The following CCSER1 variants were observed in gnomAD, a reference collection of about 807,000 sequenced individuals.
CCSER1 encodes coiled-coil serine rich protein 1.
A neutral mutation model predicts 82.0 loss-of-function variants in CCSER1; 41 were observed. The observed-to-expected ratio is 0.50, with a 90% CI of 0.39 to 0.65. CCSER1 has a LOEUF of 0.65. CCSER1 is among the 30% of genes least tolerant of loss of function. The pLI is 0.00. For synonymous variants in CCSER1, 414 were observed against 383.9 expected (o/e 1.08, Z -0.92); for missense variants, 1,119 against 1,064.2 (o/e 1.05, Z -0.72).
intron 1 of CCSER1, among the ~76,000 whole-genome samples, chr4:90,300,190 A>G (rs1409703783): frequency 6.6e-6 from 1 of 152,196 alleles, no homozygotes; most frequent in African/African-American, 2.4e-5. Context: ...GACTTTGATT[A>G]CAAGAGGTCA....
chr4:90,563,766 A>T (rs1043132132), intron 5 of CCSER1, among the ~76,000 whole-genome samples: 3 of 152,178 alleles, frequency 2.0e-5, no homozygotes, highest in African/African-American at 7.2e-5. Flanking sequence ...ATATCTGTTC[A>T]ACATATTGGT....
chr4:90,930,744 C>T (rs1006463265), intron 9 of CCSER1, among the ~76,000 whole-genome samples: 1 of 151,644 alleles, frequency 6.6e-6, no homozygotes, highest in Non-Finnish European at 1.5e-5. Flanking sequence ...TCAATTGCAG[C>T]TAATTATTAT....
intron 6 of CCSER1, among the ~76,000 whole-genome samples, chr4:90,692,646 T>C (rs1463622216): frequency 1.3e-5 from 2 of 151,918 alleles, no homozygotes; most frequent in Non-Finnish European, 2.9e-5. Context: ...TGAACGACCA[T>C]TTTATTAACC....
intron 9 of CCSER1, among the ~76,000 whole-genome samples, chr4:90,994,127 A>G (rs1043767398): frequency 6.6e-6 from 1 of 152,020 alleles, no homozygotes; most frequent in African/African-American, 2.4e-5. Flanking sequence ...TGAACCCAGG[A>G]GTTCGAGGCT....
intron 10 of CCSER1, among the ~76,000 whole-genome samples, chr4:91,212,645 A>T (rs1434572226): frequency 6.6e-6 from 1 of 152,182 alleles, no homozygotes; most frequent in African/African-American, 2.4e-5. Flanking sequence ...CTGTGAGGGT[A>T]AAAGAAAAAG....
At chr4:90,465,320 CTTTT>C (rs1157811263) in intron 4 of CCSER1, among the ~76,000 whole-genome samples, 2 of 131,928 alleles carry the variant, frequency 1.5e-5, no homozygotes, top group African/African-American at 2.8e-5. Flanking sequence ...TTTCCGTGTT[CTTTT>C]TTTTTTTTTT....
rs143320423 is a variant in CCSER1, at chr4:90,202,754, G to A, written c.-42+74923G>A. On this transcript the variant is annotated intron_variant, in intron 1 of 10. Coordinates refer to ENST00000509176, the MANE Select transcript of CCSER1 (RefSeq NM_001145065.2). ...GTCTTTCTGATTACATGGCAAGTCCGTCACATTTAGGTGATGAGATTTATT... is the reference window on the plus strand; with the variant it reads ...GTCTTTCTGATTACATGGCAAGTCCATCACATTTAGGTGATGAGATTTATT... 1.4e-4 allele frequency among the ~76,000 whole-genome samples: 21 copies of A among 152,298 alleles called. No individual in the cohort carries two copies. In the East Asian group the frequency reaches 2.5e-3, roughly 18 times the overall value.
chr4:91,039,480 T>C (rs1741736936), intron 9 of CCSER1, among the ~76,000 whole-genome samples: 1 of 152,138 alleles, frequency 6.6e-6, no homozygotes, highest in South Asian at 2.1e-4. Flanking sequence ...ATCTTTCCAA[T>C]ATCAGTAAAT....
chr4:90,424,327 C>T (rs1757226264), intron 4 of CCSER1, among the ~76,000 whole-genome samples: 2 of 151,866 alleles, frequency 1.3e-5, no homozygotes, highest in African/African-American at 4.8e-5. Context: ...GCCTTCAGAT[C>T]TTGTCCATAT....
intron 5 of CCSER1, among the ~76,000 whole-genome samples, chr4:90,616,016 C>G (rs1167543729): frequency 6.6e-6 from 1 of 152,156 alleles, no homozygotes; most frequent in Non-Finnish European, 1.5e-5. Context: ...TAAGACCTCT[C>G]ACTAGCAAAA....
chr4:91,107,253 A>G (rs1233087083), intron 10 of CCSER1, among the ~76,000 whole-genome samples: 1 of 151,772 alleles, frequency 6.6e-6, no homozygotes, highest in Admixed American at 6.6e-5. Flanking sequence ...TCACCTGACA[A>G]TGCATTTCTT....
At chr4:90,766,295 A>G (rs1751205549) in intron 7 of CCSER1, among the ~76,000 whole-genome samples, 1 of 152,170 alleles carries the variant, frequency 6.6e-6, no homozygotes, top group South Asian at 2.1e-4. Flanking sequence ...ATAATTTCCC[A>G]AGTTCATATA....
At chr4:91,503,722 A>C (rs1402252314) in intron 10 of CCSER1, among the ~76,000 whole-genome samples, 3 of 152,186 alleles carry the variant, frequency 2.0e-5, no homozygotes, top group Non-Finnish European at 4.4e-5. Flanking sequence ...GTGCGTAAAA[A>C]AACTTTTAAT....
intron 9 of CCSER1, among the ~76,000 whole-genome samples, chr4:90,954,630 T>C (rs1175595242): frequency 2.0e-5 from 3 of 152,030 alleles, no homozygotes. Context: ...TAGTGTAGGA[T>C]TGAATAAAAC....
intron 6 of CCSER1, among the ~76,000 whole-genome samples, chr4:90,634,476 A>G (rs1423512888): frequency 3.3e-5 from 5 of 151,874 alleles, no homozygotes; most frequent in African/African-American, 1.2e-4. Context: ...CAATTACATT[A>G]TAAAATTTAC....
chr4:91,259,284 T>C (rs1740922579), intron 10 of CCSER1, among the ~76,000 whole-genome samples: 1 of 152,172 alleles, frequency 6.6e-6, no homozygotes, highest in Non-Finnish European at 1.5e-5. Flanking sequence ...GTTTCATGAA[T>C]TATTTTAACA....
intron 10 of CCSER1, among the ~76,000 whole-genome samples, chr4:91,127,973 A>C (rs937055782): frequency 6.6e-6 from 1 of 152,002 alleles, no homozygotes; most frequent in African/African-American, 2.4e-5. Context: ...AGTCCTTTTC[A>C]AAAGTCCCCT....
intron 3 of CCSER1, among the ~76,000 whole-genome samples, chr4:90,340,347 G>A (rs1741173073): frequency 6.6e-6 from 1 of 152,148 alleles, no homozygotes; most frequent in Non-Finnish European, 1.5e-5. Flanking sequence ...AGCAAGCGGA[G>A]TTTGACTTCT....
intron 10 of CCSER1, among the ~76,000 whole-genome samples, chr4:91,248,539 A>G (rs1182320267): frequency 6.6e-6 from 1 of 152,178 alleles, no homozygotes; most frequent in Non-Finnish European, 1.5e-5. Context: ...TTATAAAAAC[A>G]TCATATAAAT....
Sources: gnomAD v4.1 joint callset for allele counts (sites outside exome capture counted in the v4.1 genomes callset) on GRCh38, gnomAD v4.1.1 for gene constraint, MANE v1.5 for transcripts, NCBI Gene and HGNC (gene_info 2026-07-23, HGNC 2026-07-21) for gene names.